The following TAPT1 variants were observed in gnomAD, a reference collection of about 807,000 sequenced individuals.
TAPT1 encodes the protein transmembrane anterior posterior transformation 1.
In TAPT1, 28 loss-of-function variants were observed where a neutral mutation model predicts 65.6. The observed-to-expected ratio is 0.43, with a 90% CI of 0.32 to 0.59. The LOEUF is 0.59. Ranked by LOEUF, TAPT1 falls within the 20% of genes least tolerant of loss-of-function variation. The pLI is 0.09. For missense variants in TAPT1, 563 were observed against 679.9 expected (o/e 0.83, Z 1.91); for synonymous variants, 278 against 245.2 (o/e 1.13, Z -1.25).
Position 16,202,503 on chromosome 4 carries a change from C to A in TAPT1, c.408G>T (p.Leu136=). Residue 136 remains leucine (L), a synonymous_variant, in exon 3 of 14, where the codon CTG becomes CTT. Transcript: ENST00000405303. ...GCAAAGTGAGGAGCCTGAATAGTGC[C>A]AGGAAAACTCTTAAAGGAAGCAGGG... is the stretch of plus-strand genomic sequence containing the variant. The part of the protein sequence containing the change: ...VFTLLPLRVF[L]ALFRLLTLPC... The A allele has an allele frequency of 6.4e-7, 1 of 1,552,110 alleles. No individual in the cohort carries two copies. Among genetic ancestry groups the A allele is most frequent in the South Asian group, 1.2e-5 (1 of 83,944 alleles).
chr4:16,170,549 TG>T, intron 12 of TAPT1, 103 bp downstream of exon 12: 1 of 737,360 alleles, frequency 1.4e-6, no homozygotes, highest in South Asian at 1.9e-5. Flanking sequence ...TGGAAACCCC[TG>T]GCATAGACTG....
intron 3 of TAPT1, among the ~76,000 whole-genome samples, chr4:16,194,866 T>TGATTTCCCTCCTCCTC: frequency 2.1e-4 from 4 of 18,658 alleles, no homozygotes; most frequent in Admixed American, 4.0e-4. Flanking sequence ...TCTGTCTTCT[T>TGATTTCCCTCCTCCTC]CTTCTTCTTC....
rs544346004 is a variant in TAPT1, at chr4:16,170,581, C to T, written c.1313+72G>A. On this transcript the variant is annotated intron_variant, in intron 12 of 13. Transcript: ENST00000405303. Reference sequence around the variant, plus strand: ...GACTGGGAGTAGTATGATTGGGATGCTACTAACTTCCATTACATCTTGCAT... The same window carrying T: ...GACTGGGAGTAGTATGATTGGGATGTTACTAACTTCCATTACATCTTGCAT... The T allele has an allele frequency of 1.9e-4, 208 of 1,093,508 alleles. 2 individuals carry two copies. In the African/African-American group the frequency reaches 3.0e-3, roughly 16 times the overall value. The allele number at this position is 1,093,508 out of a possible 1,614,324, so 67.7% of individuals were successfully genotyped here.
intron 1 of TAPT1, 30 bp from the exon 2 acceptor site, chr4:16,213,928 A>T (rs907889299): frequency 4.4e-6 from 7 of 1,575,688 alleles, no homozygotes; most frequent in Non-Finnish European, 6.0e-6. Flanking sequence ...AGAAAACAAA[A>T]AGAACAGTAT....
intron 10 of TAPT1, 138 bp downstream of exon 10, chr4:16,174,532 T>C (rs1748205583): frequency 1.3e-6 from 1 of 744,548 alleles, no homozygotes; most frequent in Admixed American, 3.3e-5. Context: ...AATGTTTATT[T>C]AGTGTTGAGA....
rs1747309100 is a variant in TAPT1, at chr4:16,162,363, T to TAAC, written c.*942_*944dup. ...TAAGCCCAAGCAAGATGATGCTGTCTAACACACTTGGAGCATTTACTTTAC... is the reference window on the plus strand; with the variant it reads ...TAAGCCCAAGCAAGATGATGCTGTCTAACAACACACTTGGAGCATTTACTTTAC... On this transcript the variant is annotated 3_prime_UTR_variant, in exon 14 of 14. Transcript: ENST00000405303. The TAAC allele has an allele frequency of 6.5e-6, 1 of 152,948 alleles. No homozygotes were observed. Among genetic ancestry groups the TAAC allele is most frequent in the African/African-American group, 2.4e-5 (1 of 41,448 alleles). 9.5% of individuals were successfully genotyped at this position (152,948 alleles called of 1,614,324 possible). A position where few individuals can be genotyped will look rare whatever the true frequency, so the allele number is the denominator to read the frequency against.
chr4:16,196,389 G>C (rs1268344030), intron 3 of TAPT1, among the ~76,000 whole-genome samples: 1 of 152,340 alleles, frequency 6.6e-6, no homozygotes, highest in Non-Finnish European at 1.5e-5. Flanking sequence ...TGGGGATGAA[G>C]TATTTGCTAA....
intron 5 of TAPT1, 27 bp downstream of exon 5, chr4:16,188,192 GA>G: frequency 6.4e-7 from 1 of 1,568,576 alleles, no homozygotes; most frequent in Non-Finnish European, 8.6e-7. Flanking sequence ...TTAACTGTCG[GA>G]AATTTCCAGT....
intron 11 of TAPT1, among the ~76,000 whole-genome samples, chr4:16,173,868 A>C (rs1748159685): frequency 6.6e-6 from 1 of 152,198 alleles, no homozygotes; most frequent in South Asian, 2.1e-4. Flanking sequence ...TACTTCCACC[A>C]ATATGTGTTG....
In TAPT1 at chr4:16,186,886, A is replaced by G. The variant is rs752286283; in HGVS notation, c.749-8T>C. ...TAAGAATTGCATGCAAAACTAATAG[A>G]AGGTCAAGGAAAAAACTTAAATTTG... On this transcript the variant is annotated splice_polypyrimidine_tract_variant and splice_region_variant and intron_variant, in intron 5 of 13. Coordinates refer to ENST00000405303, the MANE Select transcript of TAPT1 (RefSeq NM_153365.3). The G allele has an allele frequency of 3.2e-6, 5 of 1,574,200 alleles. No individual in the cohort carries two copies. The highest frequency in any genetic ancestry group is 2.7e-5 in the African/African-American group (2 of 73,560).
chr4:16,206,972 G>A (rs1176832598), intron 2 of TAPT1, among the ~76,000 whole-genome samples: 1 of 152,120 alleles, frequency 6.6e-6, no homozygotes, highest in Non-Finnish European at 1.5e-5. Context: ...TGGAAGCTGT[G>A]GTCACTACCA....
intron 7 of TAPT1, among the ~76,000 whole-genome samples, chr4:16,185,839 C>G (rs890443501): frequency 1.3e-5 from 2 of 152,120 alleles, no homozygotes; most frequent in African/African-American, 4.8e-5. Context: ...TTTAGGGGTC[C>G]TCTCTATTGT....
chr4:16,162,912 T>A lies in TAPT1; in HGVS notation c.*396A>T, dbSNP rs1278876327. On this transcript the variant is annotated 3_prime_UTR_variant, in exon 14 of 14. Coordinates refer to ENST00000405303, the MANE Select transcript of TAPT1 (RefSeq NM_153365.3). ...ATAGTATGAGACTGGAAAGATTACG[T>A]CGTGGTAAAAGTTTCACAGTTTTCC... 3 of 432,304 alleles carry A rather than the reference T, an allele frequency of 6.9e-6. No homozygotes were observed. Among genetic ancestry groups the A allele is most frequent in the African/African-American group, 6.1e-5 (3 of 49,488 alleles). 26.8% of individuals were successfully genotyped at this position (432,304 alleles called of 1,614,324 possible).
chr4:16,223,530 G>C (rs1427211488), intron 1 of TAPT1, among the ~76,000 whole-genome samples: 1 of 152,202 alleles, frequency 6.6e-6, no homozygotes, highest in Non-Finnish European at 1.5e-5. Context: ...GGAATGATGA[G>C]TGGGATTCCC....
intron 13 of TAPT1, among the ~76,000 whole-genome samples, chr4:16,165,588 A>G (rs1406636238): frequency 6.7e-6 from 1 of 150,360 alleles, no homozygotes; most frequent in East Asian, 2.0e-4. Flanking sequence ...AAAAAAAAAT[A>G]CATCATTTAA....
At chr4:16,225,122 T>A (rs908530206) in intron 1 of TAPT1, among the ~76,000 whole-genome samples, 8 of 152,360 alleles carry the variant, frequency 5.3e-5, no homozygotes, top group Non-Finnish European at 8.8e-5. Context: ...TGGTTGAGAA[T>A]TTTTAAGTGG....
chr4:16,182,319 A>G (rs1748756256), intron 7 of TAPT1, among the ~76,000 whole-genome samples: 1 of 152,254 alleles, frequency 6.6e-6, no homozygotes, highest in South Asian at 2.1e-4. Flanking sequence ...ACATATTTAT[A>G]CCATCTCATC....
chr4:16,203,851 AT>A (rs1282695290), intron 2 of TAPT1, among the ~76,000 whole-genome samples: 1 of 150,936 alleles, frequency 6.6e-6, no homozygotes, highest in Non-Finnish European at 1.5e-5. Context: ...TTTGATAAAA[AT>A]ATCTCAAAAA....
chr4:16,178,833 G>A (rs1246549682), intron 8 of TAPT1: 3 of 152,108 alleles, frequency 2.0e-5, no homozygotes, highest in Non-Finnish European at 1.5e-5. Context: ...GCTAATCAAT[G>A]GGTAAAAGAT....
Sources: allele counts gnomAD v4.1 joint callset (sites outside exome capture counted in the v4.1 genomes callset), GRCh38; gene constraint gnomAD v4.1.1; transcripts MANE v1.5; gene names NCBI Gene and HGNC (gene_info 2026-07-23, HGNC 2026-07-21).